KALRN: variants seen among roughly 807,000 people sequenced by gnomAD.
KALRN encodes the protein kalirin.
A neutral mutation model predicts 353.7 loss-of-function variants in KALRN; 70 were observed. That is an observed-to-expected ratio of 0.20 (90% CI 0.16 to 0.24). The LOEUF (loss-of-function observed/expected upper bound fraction) is 0.24, where lower values mean the gene tolerates loss of function less well. KALRN is among the 10% of genes least tolerant of loss of function. The pLI is 1.00. For missense variants in KALRN, 2,791 were observed against 3,756.7 expected, an observed-to-expected ratio of 0.74 and a Z score of 6.72; for synonymous variants, 1,391 against 1,434.8, an observed-to-expected ratio of 0.97 and a Z score of 0.69.
At chr3:124,555,286 C>G (rs2071083919) in intron 33 of KALRN, among the ~76,000 whole-genome samples, 1 of 152,018 alleles carries the variant, frequency 6.6e-6, no homozygotes, top group Non-Finnish European at 1.5e-5. Flanking sequence ...AATCCCAGCA[C>G]TTTGCGAGTC....
chr3:124,472,052 G>C (rs2060967262), intron 25 of KALRN, among the ~76,000 whole-genome samples: 1 of 151,438 alleles, frequency 6.6e-6, no homozygotes, highest in Admixed American at 6.6e-5. Flanking sequence ...TCTGGTTATA[G>C]TATTTTTGCT....
At chr3:124,679,352 A>T (rs535417055) in intron 50 of KALRN, 106 bp from the exon 51 acceptor site, 101 of 933,722 alleles carry the variant, frequency 1.1e-4, no homozygotes, top group Admixed American at 8.6e-4. Flanking sequence ...TCTGCCCAAG[A>T]TCCCATCGCC....
At chr3:124,404,607 A>G (rs2091294093) in intron 13 of KALRN, among the ~76,000 whole-genome samples, 1 of 151,842 alleles carries the variant, frequency 6.6e-6, no homozygotes, top group Non-Finnish European at 1.5e-5. Flanking sequence ...TAAAAAAAAA[A>G]AACTTCAATG....
intron 39 of KALRN, among the ~76,000 whole-genome samples, 196 bp downstream of exon 39, chr3:124,655,863 G>C (rs546539716): frequency 5.9e-5 from 9 of 152,218 alleles, no homozygotes; most frequent in Non-Finnish European, 1.2e-4. Flanking sequence ...GATATTTAGA[G>C]GGAAGTAGTG....
At chr3:124,092,394 G>A (rs959385973) in intron 1 of KALRN, among the ~76,000 whole-genome samples, 24 of 152,212 alleles carry the variant, frequency 1.6e-4, no homozygotes, top group African/African-American at 5.5e-4. Context: ...CTCCCAAGTT[G>A]TGTTAGAAAA....
intron 3 of KALRN, among the ~76,000 whole-genome samples, chr3:124,236,297 G>T (rs372463993): frequency 6.6e-6 from 1 of 152,038 alleles, no homozygotes; most frequent in South Asian, 2.1e-4. Context: ...TTTTTTTTCT[G>T]GGGGTCATTA....
intron 1 of KALRN, among the ~76,000 whole-genome samples, chr3:124,190,144 G>T (rs147610876): frequency 1.8e-4 from 27 of 152,266 alleles, no homozygotes; most frequent in African/African-American, 6.5e-4. Context: ...AGGGCTGAAA[G>T]ACAGCAAAGG....
chr3:124,688,452 CTTA>C (rs1349396055), intron 51 of KALRN, among the ~76,000 whole-genome samples: 2 of 151,910 alleles, frequency 1.3e-5, no homozygotes, highest in African/African-American at 4.8e-5. Context: ...AATTGTTTTT[CTTA>C]TATCTTTATT....
chr3:124,329,831 C>T, intron 7 of KALRN, 30 bp from the exon 8 acceptor site: 1 of 1,606,168 alleles, frequency 6.2e-7, no homozygotes, highest in South Asian at 1.1e-5. Flanking sequence ...CCAGTGCTCC[C>T]CCACTGATCC....
At chr3:124,586,946 C>T (rs999916701) in intron 34 of KALRN, among the ~76,000 whole-genome samples, 1 of 152,112 alleles carries the variant, frequency 6.6e-6, no homozygotes, top group Non-Finnish European at 1.5e-5. Flanking sequence ...TCACTCTAAC[C>T]GAAAACAGTC....
intron 1 of KALRN, among the ~76,000 whole-genome samples, chr3:124,129,722 G>A (rs1224762966): frequency 6.6e-6 from 1 of 152,180 alleles, no homozygotes; most frequent in African/African-American, 2.4e-5. Context: ...TATCACCATG[G>A]CCCTATGGGC....
intron 2 of KALRN, among the ~76,000 whole-genome samples, chr3:124,231,745 A>C (rs779505617): frequency 2.4e-4 from 37 of 152,312 alleles, no homozygotes; most frequent in Admixed American, 5.9e-4. Flanking sequence ...TTCCAAACTA[A>C]AGAATAACCT....
chr3:124,047,750 G>A (rs2149123803), intron 1 of KALRN, among the ~76,000 whole-genome samples: 1 of 151,528 alleles, frequency 6.6e-6, no homozygotes, highest in East Asian at 1.9e-4. Context: ...TGATCCGCCT[G>A]CCTTGGCCTC....
chr3:124,284,720 T>G (rs188119906), intron 5 of KALRN, among the ~76,000 whole-genome samples: 1 of 152,198 alleles, frequency 6.6e-6, no homozygotes, highest in Non-Finnish European at 1.5e-5. Flanking sequence ...CTAAACATCA[T>G]GAGGGTGTGA....
At chr3:124,233,988 A>C (rs1160932852) in intron 2 of KALRN, among the ~76,000 whole-genome samples, 2 of 152,250 alleles carry the variant, frequency 1.3e-5, no homozygotes, top group Non-Finnish European at 2.9e-5. Flanking sequence ...AATACATTTT[A>C]AAATCATGTA....
At chr3:124,659,720 C>T (rs1052409870) in intron 43 of KALRN, among the ~76,000 whole-genome samples, 1 of 151,986 alleles carries the variant, frequency 6.6e-6, no homozygotes, top group African/African-American at 2.4e-5. Context: ...AATTCACATT[C>T]TTACTTTGTC....
chr3:124,504,032 C>T (rs115272108), intron 33 of KALRN, among the ~76,000 whole-genome samples: 2 of 152,276 alleles, frequency 1.3e-5, no homozygotes, highest in East Asian at 1.9e-4. Flanking sequence ...GCTGAACACA[C>T]GCAGCTTGCA....
intron 34 of KALRN, among the ~76,000 whole-genome samples, chr3:124,571,574 T>A (rs762981014): frequency 1.3e-5 from 2 of 152,262 alleles, no homozygotes; most frequent in Non-Finnish European, 2.9e-5. Flanking sequence ...TCTTCCTGAA[T>A]TACCTCTAGG....
Position 124,413,453 on chromosome 3 carries a change from C to A in KALRN, c.2347-17C>A. 6.2e-7 allele frequency: 1 copy of A among 1,610,808 alleles called. No homozygotes were observed. The highest frequency in any genetic ancestry group is 1.1e-5 in the South Asian group (1 of 90,504). On this transcript the variant is annotated splice_polypyrimidine_tract_variant and intron_variant, in intron 13 of 59. Transcript: ENST00000682506. ...GGACCTGGTGAGCCTGTGCTGATGA[C>A]AGTGGTTCCCTCACAGGTGACAGCA...
Sources: gnomAD v4.1 joint callset for allele counts (sites outside exome capture counted in the v4.1 genomes callset) on GRCh38, gnomAD v4.1.1 for gene constraint, MANE v1.5 for transcripts, NCBI Gene and HGNC (gene_info 2026-07-23, HGNC 2026-07-21) for gene names.